Variants in PHF2 observed in about 807,000 individuals in gnomAD.
The protein encoded by PHF2 is lysine-specific demethylase PHF2.
In PHF2, 27 loss-of-function variants were observed where a neutral mutation model predicts 120.5. That is an observed-to-expected ratio of 0.22 (90% CI 0.17 to 0.31). The LOEUF is 0.31. Among genes scored for constraint, PHF2 ranks in the 10% least tolerant of loss-of-function variants. The pLI is 1.00. For missense variants in PHF2, 1,024 were observed against 1,434.8 expected, an observed-to-expected ratio of 0.71 and a Z score of 4.63; for synonymous variants, 568 against 592.5, an observed-to-expected ratio of 0.96 and a Z score of 0.60.
intron 1 of PHF2, among the ~76,000 whole-genome samples, chr9:93,626,840 C>T (rs1825922091): frequency 6.6e-6 from 1 of 152,200 alleles, no homozygotes; most frequent in Non-Finnish European, 1.5e-5. Flanking sequence ...GAGATTATTC[C>T]TTCTCCATTG....
At chr9:93,625,190 T>G in intron 1 of PHF2, among the ~76,000 whole-genome samples, 1 of 152,238 alleles carries the variant, frequency 6.6e-6, no homozygotes. Flanking sequence ...ATATACCTAT[T>G]GTAAACATAT....
At chr9:93,585,287 A>G (rs1307148185) in intron 1 of PHF2, among the ~76,000 whole-genome samples, 1 of 152,194 alleles carries the variant, frequency 6.6e-6, no homozygotes, top group Non-Finnish European at 1.5e-5. Context: ...CATATTGTGT[A>G]TGGGGTCCTC....
chr9:93,645,845 C>T lies in PHF2; in HGVS notation c.460+56C>T, dbSNP rs1366737830. On this transcript the variant is annotated intron_variant, in intron 4 of 21. Coordinates refer to ENST00000359246, the MANE Select transcript of PHF2 (RefSeq NM_005392.4). ...GGCTGGAGCTGGGAGTGCTGGGACACCCACCACTGTGCATGCTGTTTCCCC... is the reference window on the plus strand; with the variant it reads ...GGCTGGAGCTGGGAGTGCTGGGACATCCACCACTGTGCATGCTGTTTCCCC... The T allele has an allele frequency of 2.6e-6, 4 of 1,510,796 alleles. No homozygotes were observed. The Middle Eastern group carries it at 7.6e-4, about 285-fold the overall frequency. 93.6% of individuals were successfully genotyped at this position (1,510,796 alleles called of 1,614,324 possible).
At chr9:93,638,414 A>G (rs1452835905) in intron 3 of PHF2, among the ~76,000 whole-genome samples, 1 of 152,242 alleles carries the variant, frequency 6.6e-6, no homozygotes, top group East Asian at 1.9e-4. Flanking sequence ...TTTAGCACAT[A>G]CAGTTTGTTC....
chr9:93,601,431 G>A lies in PHF2; in HGVS notation c.98+24560G>A, dbSNP rs1319299801. Reference sequence around the variant, plus strand: ...TAAGTTTGCAAACAGGCTGTGGCAGGTGGAAAACACACCTAAGAGGGCCTA... The same window carrying A: ...TAAGTTTGCAAACAGGCTGTGGCAGATGGAAAACACACCTAAGAGGGCCTA... On this transcript the variant is annotated intron_variant, in intron 1 of 21. Coordinates refer to ENST00000359246, the MANE Select transcript of PHF2 (RefSeq NM_005392.4). 4.7e-4 allele frequency among the ~76,000 whole-genome samples: 72 copies of A among 151,874 alleles called. 1 individual carries two copies. The highest frequency in any genetic ancestry group is 4.4e-5 in the Non-Finnish European group (3 of 67,932).
intron 1 of PHF2, among the ~76,000 whole-genome samples, chr9:93,622,052 A>G (rs137909420): frequency 6.5e-4 from 99 of 152,306 alleles, no homozygotes; most frequent in African/African-American, 2.3e-3. Context: ...CTGTGGGTGC[A>G]GCTCCTAGCC....
Position 93,676,734 on chromosome 9 carries a change from C to T in PHF2, c.2973C>T (p.Thr991=), listed in dbSNP as rs761656387. 1.9e-6 allele frequency: 3 copies of T among 1,557,360 alleles called. No homozygotes were observed. Among genetic ancestry groups the T allele is most frequent in the South Asian group, 2.4e-5 (2 of 84,774 alleles). ...CAGCCTCTACCACCCCGGCCTCCAC[C>T]ACCCCGGCCTCCACCAGCACGGCCA... ...TTPASTTPAS[T]TPASTSTASS... Residue 991 remains threonine (T), a synonymous_variant, in exon 21 of 22, where the codon ACC becomes ACT. Transcript: ENST00000359246.
At chr9:93,675,657 G>C (rs770643040) in intron 19 of PHF2, 23 bp from the exon 20 acceptor site, 2 of 1,589,476 alleles carry the variant, frequency 1.3e-6, no homozygotes, top group South Asian at 2.2e-5. Context: ...CAGCTTGAGG[G>C]GGCTGGCCCT....
At chr9:93,600,485 G>A (rs1825420141) in intron 1 of PHF2, among the ~76,000 whole-genome samples, 1 of 152,214 alleles carries the variant, frequency 6.6e-6, no homozygotes. Context: ...ATTGCAGTGT[G>A]GGACAGCTTT....
intron 14 of PHF2, among the ~76,000 whole-genome samples, chr9:93,664,653 A>G (rs1024009601): frequency 4.6e-5 from 7 of 152,234 alleles, no homozygotes; most frequent in African/African-American, 1.7e-4. Context: ...CATTCAGCCA[A>G]GGGGCAGGTC....
chr9:93,672,039 T>C (rs1587721897), intron 17 of PHF2, among the ~76,000 whole-genome samples: 3 of 143,198 alleles, frequency 2.1e-5, no homozygotes, highest in East Asian at 2.3e-4. Context: ...GGCACAGGTG[T>C]AGATGCAGGT....
chr9:93,618,565 C>T lies in PHF2; in HGVS notation c.99-11405C>T, dbSNP rs564671759. Among the ~76,000 whole-genome samples, 7 of 152,310 alleles carry T rather than the reference C, an allele frequency of 4.6e-5. No homozygotes were observed. In the East Asian group the frequency reaches 1.4e-3, roughly 29 times the overall value. ...GCACACATATTTTGTTTTGGGTTTT[C>T]CACCAAAAGGAATTGTACCATACGC... On this transcript the variant is annotated intron_variant, in intron 1 of 21. Coordinates refer to ENST00000359246, the MANE Select transcript of PHF2 (RefSeq NM_005392.4).
chr9:93,652,164 C>T (rs1239085425), intron 5 of PHF2, among the ~76,000 whole-genome samples: 4 of 152,030 alleles, frequency 2.6e-5, no homozygotes, highest in Non-Finnish European at 5.9e-5. Context: ...CGAGTAGAGA[C>T]AACAGCACTT....
chr9:93,624,959 C>A (rs995631731), intron 1 of PHF2, among the ~76,000 whole-genome samples: 1 of 152,100 alleles, frequency 6.6e-6, no homozygotes, highest in African/African-American at 2.4e-5. Flanking sequence ...TTCTTTTTTT[C>A]TCTTTTATTG....
rs1826459530 is a variant in PHF2 at position 93,656,343 on chromosome 9, C to G, written c.1041-146C>G. Reference sequence around the variant, plus strand: ...TCTCATGGGCCCCGAGGTCTGCAGCCACCAGGGCAGTTTTCCCCTGGTCCT... The same window carrying G: ...TCTCATGGGCCCCGAGGTCTGCAGCGACCAGGGCAGTTTTCCCCTGGTCCT... On this transcript the variant is annotated intron_variant, in intron 8 of 21. Transcript: ENST00000359246. This position sits in a 1 kb window ranked among gnomAD's most constrained non-coding sequence, Gnocchi z 4.1. 4 of 655,060 alleles carry G rather than the reference C, an allele frequency of 6.1e-6. No homozygotes were observed. Among genetic ancestry groups the G allele is most frequent in the Non-Finnish European group, 1.1e-5 (4 of 371,452 alleles). 40.6% of individuals were successfully genotyped at this position (655,060 alleles called of 1,614,324 possible). A position where few individuals can be genotyped will look rare whatever the true frequency, so the allele number is the denominator to read the frequency against.
At chr9:93,669,222 C>T (rs931131826) in intron 17 of PHF2, among the ~76,000 whole-genome samples, 6 of 152,190 alleles carry the variant, frequency 3.9e-5, no homozygotes, top group Non-Finnish European at 8.8e-5. Flanking sequence ...TAAGTGCAGG[C>T]CCCCGCCCTC....
chr9:93,679,225 T>A lies in PHF2; in HGVS notation c.*1549T>A. The A allele has an allele frequency of 2.2e-6, 1 of 456,258 alleles. No individual in the cohort carries two copies. The highest frequency in any genetic ancestry group is 4.4e-6 in the Non-Finnish European group (1 of 226,928). The allele number at this position is 456,258 out of a possible 1,614,324, so 28.3% of individuals were successfully genotyped here. A position where few individuals can be genotyped will look rare whatever the true frequency, so the allele number is the denominator to read the frequency against. On this transcript the variant is annotated 3_prime_UTR_variant, in exon 22 of 22. Transcript: ENST00000359246. ...TGGGAGAGGCAGCTTGGTGGAGGCC[T>A]TATCCACTCCCACTTGTCCTGTTTG...
At chr9:93,591,914 G>A (rs1258165351) in intron 1 of PHF2, among the ~76,000 whole-genome samples, 1 of 152,244 alleles carries the variant, frequency 6.6e-6, no homozygotes, top group African/African-American at 2.4e-5. Context: ...ACCTGCAGAG[G>A]CCTTGAGGCT....
intron 1 of PHF2, among the ~76,000 whole-genome samples, chr9:93,618,137 G>T (rs563743092): frequency 6.6e-6 from 1 of 152,312 alleles, no homozygotes; most frequent in South Asian, 2.1e-4. Context: ...AACTTCTTTG[G>T]AGTTGACTCA....
Sources: allele counts gnomAD v4.1 joint callset (sites outside exome capture counted in the v4.1 genomes callset), GRCh38; gene constraint gnomAD v4.1.1; non-coding constraint Gnocchi (gnomAD v3.1); transcripts MANE v1.5; gene names NCBI Gene and HGNC (gene_info 2026-07-23, HGNC 2026-07-21).